Variants in PBLD observed in about 807,000 individuals in gnomAD.
The protein encoded by PBLD is phenazine biosynthesis-like domain-containing protein.
In PBLD, 26 loss-of-function variants were observed where a neutral mutation model predicts 31.3. The ratio of observed to expected loss-of-function variants is 0.83; its 90% CI spans 0.61 to 1.15. PBLD has a LOEUF of 1.15. PBLD is among the 50% of genes most tolerant of loss of function. The pLI, the probability that PBLD is intolerant of heterozygous loss-of-function variation, is 0.00. For missense variants in PBLD, 307 were observed against 351.7 expected, an observed-to-expected ratio of 0.87 and a Z score of 1.02; for synonymous variants, 114 against 129.0, an observed-to-expected ratio of 0.88 and a Z score of 0.79.
At chr10:68,316,810 C>T (rs1453501219) in intron 1 of PBLD, among the ~76,000 whole-genome samples, 4 of 151,974 alleles carry the variant, frequency 2.6e-5, no homozygotes, top group African/African-American at 4.8e-5. Context: ...CTCAGGAGTT[C>T]GAGACCACCC....
intron 6 of PBLD, among the ~76,000 whole-genome samples, chr10:68,289,692 C>CACACACACACACACACACAG (rs1472723017): frequency 2.1e-4 from 31 of 149,428 alleles, no homozygotes; most frequent in Non-Finnish European, 4.3e-4. Context: ...CACACACACA[C>CACACACACACACACACACAG]ATATCTTGAC....
intron 1 of PBLD, among the ~76,000 whole-genome samples, chr10:68,314,409 T>C (rs1391658013): frequency 1.3e-5 from 2 of 152,170 alleles, no homozygotes; most frequent in Non-Finnish European, 2.9e-5. Flanking sequence ...ATATTACCTA[T>C]CACTCTTGCC....
chr10:68,322,991 T>C (rs1161584484), intron 1 of PBLD, among the ~76,000 whole-genome samples: 1 of 152,036 alleles, frequency 6.6e-6, no homozygotes, highest in African/African-American at 2.4e-5. Flanking sequence ...TCCTCCTTCT[T>C]TGGCCTCCCA....
At chr10:68,286,085 C>CTTTTTT (rs71009034) in intron 8 of PBLD, among the ~76,000 whole-genome samples, 3,691 of 103,372 alleles carry the variant, frequency 0.036, 199 homozygotes, top group African/African-American at 0.042. Flanking sequence ...TTGAATAATT[C>CTTTTTT]TTTTTTTTTT....
At chr10:68,307,428 A>C (rs1474366795) in intron 1 of PBLD, among the ~76,000 whole-genome samples, 4 of 152,150 alleles carry the variant, frequency 2.6e-5, no homozygotes, top group Non-Finnish European at 5.9e-5. Flanking sequence ...CATATTATAC[A>C]TAGAACTTAG....
At chr10:68,310,147 A>T (rs1189582610) in intron 1 of PBLD, among the ~76,000 whole-genome samples, 1 of 150,088 alleles carries the variant, frequency 6.7e-6, no homozygotes, top group Non-Finnish European at 1.5e-5. Context: ...AAAAGAAAAA[A>T]GAAAATAATA....
At chr10:68,304,494 T>A (rs1023630110) in intron 2 of PBLD, among the ~76,000 whole-genome samples, 2 of 152,204 alleles carry the variant, frequency 1.3e-5, no homozygotes, top group African/African-American at 4.8e-5. Context: ...GTTCTTTGCT[T>A]AAATTTTTAT....
At chr10:68,320,920 T>A (rs1470108815) in intron 1 of PBLD, among the ~76,000 whole-genome samples, 1 of 151,916 alleles carries the variant, frequency 6.6e-6, no homozygotes, top group Non-Finnish European at 1.5e-5. Flanking sequence ...CTCCCATGTT[T>A]GAGCAATTCT....
chr10:68,331,603 T>C (rs1589685473), intron 1 of PBLD: 1 of 152,212 alleles, frequency 6.6e-6, no homozygotes, highest in African/African-American at 2.4e-5. Flanking sequence ...AATGCAAACA[T>C]GGTGGACCAG....
In PBLD at chr10:68,283,728, C is replaced by A; in HGVS notation, c.*449G>T. On this transcript the variant is annotated 3_prime_UTR_variant, in exon 10 of 10. Coordinates refer to ENST00000358769, the MANE Select transcript of PBLD (RefSeq NM_022129.4). ...CACTATTAAATCTCCATTAAAATGT[C>A]TTCACTTTTCAATTTTGTGTGTGTG... 6.6e-6 allele frequency: 1 copy of A among 152,536 alleles called. No individual in the cohort carries two copies. The highest frequency in any genetic ancestry group is 6.4e-5 in the Admixed American group (1 of 15,508). 9.4% of individuals were successfully genotyped at this position (152,536 alleles called of 1,614,324 possible). A position where few individuals can be genotyped will look rare whatever the true frequency, so the allele number is the denominator to read the frequency against.
chr10:68,318,010 G>A (rs943307127), intron 1 of PBLD, among the ~76,000 whole-genome samples: 7 of 152,014 alleles, frequency 4.6e-5, no homozygotes, highest in Admixed American at 2.6e-4. Context: ...GGCAGATCAC[G>A]AGGTCAGGAG....
intron 1 of PBLD, among the ~76,000 whole-genome samples, chr10:68,320,432 C>T (rs1364061097): frequency 6.6e-6 from 1 of 152,082 alleles, no homozygotes; most frequent in Non-Finnish European, 1.5e-5. Flanking sequence ...TACAGTGATC[C>T]CTTGGTATCC....
intron 1 of PBLD, among the ~76,000 whole-genome samples, chr10:68,330,910 A>C (rs1057359258): frequency 2.0e-5 from 3 of 152,086 alleles, no homozygotes; most frequent in African/African-American, 7.2e-5. Context: ...ACTGGAGTGC[A>C]CTGGCGCAAT....
intron 4 of PBLD, among the ~76,000 whole-genome samples, chr10:68,293,936 T>C (rs2044392153): frequency 6.6e-6 from 1 of 151,968 alleles, no homozygotes; most frequent in South Asian, 2.1e-4. Flanking sequence ...GATCTTGCCA[T>C]TGCACTCCAG....
intron 4 of PBLD, 71 bp downstream of exon 4, chr10:68,296,195 G>T: frequency 1.8e-6 from 2 of 1,133,216 alleles, no homozygotes; most frequent in East Asian, 2.5e-5. Context: ...ATCAGAAAAA[G>T]TGTGTGTGAG....
intron 2 of PBLD, among the ~76,000 whole-genome samples, chr10:68,297,372 G>A (rs1295459354): frequency 6.6e-6 from 1 of 152,188 alleles, no homozygotes; most frequent in Non-Finnish European, 1.5e-5. Flanking sequence ...CTCTGGGCAG[G>A]CTGGACCACT....
intron 1 of PBLD, among the ~76,000 whole-genome samples, chr10:68,317,599 G>T (rs6480325): frequency 6.6e-6 from 1 of 151,414 alleles, no homozygotes; most frequent in African/African-American, 2.4e-5. Context: ...AGTTTGAGAC[G>T]AGCCTGGGCA....
intron 2 of PBLD, 104 bp from the exon 3 acceptor site, chr10:68,297,089 G>T (rs982064758): frequency 2.3e-6 from 2 of 875,104 alleles, no homozygotes; most frequent in Admixed American, 4.2e-5. Flanking sequence ...AATAATAAGA[G>T]TTACACGCTT....
intron 1 of PBLD, chr10:68,331,461 G>T (rs1212294821): frequency 2.6e-5 from 4 of 152,316 alleles, no homozygotes; most frequent in African/African-American, 9.6e-5. Flanking sequence ...ACATTGGGAC[G>T]AAGCGCGCTG....
Sources: gnomAD v4.1 joint callset for allele counts (sites outside exome capture counted in the v4.1 genomes callset) on GRCh38, gnomAD v4.1.1 for gene constraint, MANE v1.5 for transcripts, NCBI Gene and HGNC (gene_info 2026-07-23, HGNC 2026-07-21) for gene names.